The following OPCML variants were observed in gnomAD, a reference collection of about 807,000 sequenced individuals.
OPCML encodes the protein opioid-binding protein/cell adhesion molecule.
A neutral mutation model predicts 37.8 loss-of-function variants in OPCML; 13 were observed. The observed-to-expected ratio is 0.34, with a 90% CI of 0.22 to 0.55. The LOEUF (loss-of-function observed/expected upper bound fraction) is 0.55. OPCML is among the 20% of genes least tolerant of loss of function. The pLI, the probability that OPCML is intolerant of heterozygous loss-of-function variation, is 0.91. For synonymous variants in OPCML, 176 were observed against 168.8 expected, an observed-to-expected ratio of 1.04 and a Z score of -0.33; for missense variants, 341 against 435.6, an observed-to-expected ratio of 0.78 and a Z score of 1.93.
intron 1 of OPCML, among the ~76,000 whole-genome samples, chr11:133,411,038 G>A (rs1945640845): frequency 6.6e-6 from 1 of 152,148 alleles, no homozygotes; most frequent in African/African-American, 2.4e-5. Flanking sequence ...GCTGGCATGT[G>A]TCCCCTCACA....
chr11:133,095,277 G>GGTT (rs1436840437), intron 1 of OPCML, among the ~76,000 whole-genome samples: 16 of 44,202 alleles, frequency 3.6e-4, no homozygotes, highest in African/African-American at 1.5e-3. Context: ...TAATGTAAAT[G>GGTT]TTTTTTTTTT....
intron 1 of OPCML, among the ~76,000 whole-genome samples, chr11:133,027,513 G>A (rs536880778): frequency 6.7e-5 from 10 of 149,954 alleles, no homozygotes; most frequent in South Asian, 4.3e-4. Flanking sequence ...TGTGTAGTGC[G>A]GTGTGTGTGA....
intron 2 of OPCML, among the ~76,000 whole-genome samples, chr11:132,737,595 T>A (rs1002920468): frequency 6.6e-6 from 1 of 152,204 alleles, no homozygotes. Context: ...TATAGGATAA[T>A]TTGCTTAGCC....
intron 4 of OPCML, among the ~76,000 whole-genome samples, chr11:132,517,252 G>A (rs2096281983): frequency 6.6e-6 from 1 of 152,134 alleles, no homozygotes; most frequent in South Asian, 2.1e-4. Context: ...TGACTTATAG[G>A]AATTTTACCC....
At chr11:132,577,533 G>A (rs973608670) in intron 3 of OPCML, among the ~76,000 whole-genome samples, 4 of 151,988 alleles carry the variant, frequency 2.6e-5, no homozygotes, top group African/African-American at 9.7e-5. Context: ...CACATCCCTG[G>A]GATGTAAAAT....
In OPCML at chr11:132,809,403, C is replaced by T. The variant is rs534452611; in HGVS notation, c.146+133523G>A. ...GAACCTCATTTGGACAAAGCAGCTCCGAGCTACAGTTACCACTGTGCTTTG... is the reference window on the plus strand; with the variant it reads ...GAACCTCATTTGGACAAAGCAGCTCTGAGCTACAGTTACCACTGTGCTTTG... On this transcript the variant is annotated intron_variant, in intron 2 of 7. Transcript: ENST00000524381. 2.6e-5 allele frequency among the ~76,000 whole-genome samples: 4 copies of T among 152,278 alleles called. No individual in the cohort carries two copies. The South Asian group carries it at 8.3e-4, about 32-fold the overall frequency.
intron 1 of OPCML, among the ~76,000 whole-genome samples, chr11:133,416,634 T>C (rs1222787696): frequency 6.6e-6 from 1 of 152,218 alleles, no homozygotes; most frequent in African/African-American, 2.4e-5. Flanking sequence ...CTCTCTCTTC[T>C]ACCTACACCT....
intron 1 of OPCML, among the ~76,000 whole-genome samples, chr11:133,267,721 G>A (rs1441103805): frequency 6.6e-6 from 1 of 152,132 alleles, no homozygotes; most frequent in Non-Finnish European, 1.5e-5. Context: ...GGACCCAGTG[G>A]GAGGTAATTG....
At chr11:132,577,969 C>T (rs1010679385) in intron 3 of OPCML, among the ~76,000 whole-genome samples, 1 of 151,972 alleles carries the variant, frequency 6.6e-6, no homozygotes, top group Non-Finnish European at 1.5e-5. Context: ...AGGTAATGTC[C>T]CCTTAGAGCC....
At chr11:132,802,286 C>G (rs965072025) in intron 2 of OPCML, among the ~76,000 whole-genome samples, 4 of 152,164 alleles carry the variant, frequency 2.6e-5, no homozygotes, top group African/African-American at 4.8e-5. Flanking sequence ...AAAACCAGAT[C>G]ATGCCAACCC....
chr11:133,335,381 C>G (rs1230448623), intron 1 of OPCML, among the ~76,000 whole-genome samples: 1 of 152,130 alleles, frequency 6.6e-6, no homozygotes, highest in Admixed American at 6.5e-5. Flanking sequence ...GACAAGTGGC[C>G]GGCAGATTGT....
chr11:133,026,355 A>G, intron 1 of OPCML: 1 of 977,808 alleles, frequency 1.0e-6, no homozygotes, highest in Non-Finnish European at 1.2e-6. Flanking sequence ...TCCACGCGTA[A>G]TACCCTGAAG....
At chr11:133,260,581 T>G (rs138714171) in intron 1 of OPCML, among the ~76,000 whole-genome samples, 188 of 152,038 alleles carry the variant, frequency 1.2e-3, no homozygotes, top group Middle Eastern at 0.01. Context: ...CAAGAAAAAA[T>G]CTGCAGTGGA....
chr11:133,140,714 C>CGAAGACG lies in OPCML; in HGVS notation c.62-197711_62-197705dup, dbSNP rs1165582597. Among the ~76,000 whole-genome samples the CGAAGACG allele has an allele frequency of 5.5e-4, 12 of 21,708 alleles. 2 individuals are homozygous for CGAAGACG. Among genetic ancestry groups the CGAAGACG allele is most frequent in the South Asian group, 1.9e-3 (1 of 536 alleles). The allele number at this position is 21,708 out of a possible 152,430, so 14.2% of individuals were successfully genotyped here. A position where few individuals can be genotyped will look rare whatever the true frequency, so the allele number is the denominator to read the frequency against. On this transcript the variant is annotated intron_variant, in intron 1 of 7. Coordinates refer to ENST00000524381, the MANE Select transcript of OPCML (RefSeq NM_001012393.5). The stretch of plus-strand genomic sequence containing the variant: ...GAAGACGGAAGAAGAAGACGGAAGA[C>CGAAGACG]GAAGACGGAAGACGACGACGACGAC...
intron 1 of OPCML, chr11:133,423,405 A>C (rs1945933987): frequency 1.0e-6 from 1 of 985,396 alleles, no homozygotes; most frequent in Non-Finnish European, 1.2e-6. Context: ...CCTAGGTAGG[A>C]GATAACTCAG....
chr11:132,449,805 C>T (rs929823058), intron 4 of OPCML, among the ~76,000 whole-genome samples: 15 of 152,256 alleles, frequency 9.9e-5, no homozygotes, highest in African/African-American at 1.9e-4. Context: ...ATCTGCAAAA[C>T]GAGGGGATCC....
chr11:132,424,003 G>A (rs568298823), intron 7 of OPCML, among the ~76,000 whole-genome samples: 1 of 152,268 alleles, frequency 6.6e-6, no homozygotes, highest in South Asian at 2.1e-4. Context: ...TGGTACCCAA[G>A]ATGATACAAT....
chr11:132,461,349 T>G (rs555821170), intron 4 of OPCML, among the ~76,000 whole-genome samples: 2 of 152,098 alleles, frequency 1.3e-5, no homozygotes, highest in African/African-American at 2.4e-5. Flanking sequence ...ATGCCTAGGA[T>G]ATGAAGCCTC....
intron 3 of OPCML, among the ~76,000 whole-genome samples, chr11:132,534,217 A>G (rs1305228182): frequency 6.6e-6 from 1 of 152,030 alleles, no homozygotes; most frequent in African/African-American, 2.4e-5. Flanking sequence ...CCCACCCTCA[A>G]TAACTACTTC....
Sources: allele counts gnomAD v4.1 joint callset (sites outside exome capture counted in the v4.1 genomes callset), GRCh38; gene constraint gnomAD v4.1.1; transcripts MANE v1.5; gene names NCBI Gene and HGNC (gene_info 2026-07-23, HGNC 2026-07-21).